CCDC171: variants seen among roughly 807,000 people sequenced by gnomAD.
CCDC171 encodes coiled-coil domain containing 171, also known as coiled-coil domain-containing protein 171.
CCDC171 carries 177 observed loss-of-function variants against 168.2 expected under a neutral mutation model. The ratio of observed to expected loss-of-function variants is 1.05; its 90% confidence interval spans 0.93 to 1.19. CCDC171 has a LOEUF of 1.19. Among genes scored for constraint, CCDC171 ranks in the 50% most tolerant of loss-of-function variants. The pLI, the probability that CCDC171 is intolerant of heterozygous loss-of-function variation, is 0.00. For synonymous variants in CCDC171, 687 were observed against 540.8 expected (o/e 1.27, Z -3.75); for missense variants, 1,991 against 1,539.0 (o/e 1.29, Z -4.91).
intron 25 of CCDC171, among the ~76,000 whole-genome samples, chr9:15,924,590 C>T (rs1190940337): frequency 3.3e-5 from 5 of 151,596 alleles, no homozygotes; most frequent in African/African-American, 4.8e-5. Context: ...CAGCCTTGAG[C>T]ATGTAACTCC....
intron 21 of CCDC171, among the ~76,000 whole-genome samples, chr9:15,797,657 G>A (rs959129502): frequency 6.6e-6 from 1 of 151,838 alleles, no homozygotes; most frequent in Admixed American, 6.6e-5. Context: ...TTTCTTAACA[G>A]TATCTTTCAA....
intron 3 of CCDC171, among the ~76,000 whole-genome samples, chr9:15,996,445 G>T (rs985269753): frequency 5.1e-4 from 75 of 147,574 alleles, no homozygotes; most frequent in African/African-American, 1.7e-3. Context: ...TTTTTTTGCG[G>T]GGGGCGGACA....
intron 3 of CCDC171, among the ~76,000 whole-genome samples, chr9:15,983,377 A>C (rs181972883): frequency 6.6e-6 from 1 of 152,084 alleles, no homozygotes; most frequent in Non-Finnish European, 1.5e-5. Flanking sequence ...TTTTTTAAAA[A>C]AACATATTTT....
chr9:15,666,720 G>C (rs775336776), intron 9 of CCDC171, among the ~76,000 whole-genome samples: 1 of 152,152 alleles, frequency 6.6e-6, no homozygotes, highest in Non-Finnish European at 1.5e-5. Flanking sequence ...AGCTACTCGA[G>C]AGGCTGAGGT....
At chr9:15,692,909 G>C (rs2050923200) in intron 10 of CCDC171, among the ~76,000 whole-genome samples, 1 of 151,756 alleles carries the variant, frequency 6.6e-6, no homozygotes, top group South Asian at 2.1e-4. Flanking sequence ...GGCCGAGACG[G>C]GTGGATCACT....
downstream of CCDC171, among the ~76,000 whole-genome samples, chr9:16,066,278 G>A (rs1213448793): frequency 1.3e-5 from 2 of 152,058 alleles, no homozygotes; most frequent in African/African-American, 4.8e-5. Flanking sequence ...TAAAAAGCAT[G>A]GTAGTCCAAT....
At chr9:15,734,970 T>C (rs147726135) in intron 16 of CCDC171, among the ~76,000 whole-genome samples, 4 of 152,230 alleles carry the variant, frequency 2.6e-5, no homozygotes, top group African/African-American at 9.6e-5. Context: ...TATTTGGCCA[T>C]TGTAAAGAAG....
At chr9:15,968,106 T>A (rs1447768799) in intron 25 of CCDC171, among the ~76,000 whole-genome samples, 1 of 152,218 alleles carries the variant, frequency 6.6e-6, no homozygotes, top group Non-Finnish European at 1.5e-5. Flanking sequence ...ATTGTGAATA[T>A]GTATTTAGCT....
In CCDC171 at chr9:15,909,061, A is replaced by G. The variant is rs184484221; in HGVS notation, c.3601-11209A>G. ...ATGGGGAATCAGAAGTACGACTCCA[A>G]TTGAGTATATCACAGAGTTATATAA... On this transcript the variant is annotated intron_variant, in intron 24 of 25. Transcript: ENST00000380701. 2.4e-4 allele frequency among the ~76,000 whole-genome samples: 36 copies of G among 152,332 alleles called. No homozygotes were observed. The East Asian group carries it at 4.4e-3, about 19-fold the overall frequency.
chr9:16,014,835 A>C (rs1282974681), intron 3 of CCDC171, among the ~76,000 whole-genome samples: 3 of 152,134 alleles, frequency 2.0e-5, no homozygotes, highest in Non-Finnish European at 4.4e-5. Flanking sequence ...AGGCTTTGTT[A>C]TTCCATTTAT....
intron 7 of CCDC171, among the ~76,000 whole-genome samples, chr9:15,647,225 C>G (rs1158936797): frequency 6.6e-6 from 1 of 152,006 alleles, no homozygotes; most frequent in Non-Finnish European, 1.5e-5. Context: ...CACAACATAC[C>G]AGAATCTCTG....
chr9:15,797,324 C>G (rs2058608074), intron 21 of CCDC171, among the ~76,000 whole-genome samples: 1 of 152,134 alleles, frequency 6.6e-6, no homozygotes, highest in African/African-American at 2.4e-5. Context: ...TCAACTAATC[C>G]TCCCATCTCA....
At chr9:15,849,817 T>C (rs918509652) in intron 23 of CCDC171, among the ~76,000 whole-genome samples, 1 of 151,838 alleles carries the variant, frequency 6.6e-6, no homozygotes, top group Non-Finnish European at 1.5e-5. Flanking sequence ...AAACTAACCT[T>C]TTGAAGGGCA....
At chr9:15,895,804 A>T (rs1820822603) in intron 24 of CCDC171, among the ~76,000 whole-genome samples, 1 of 152,110 alleles carries the variant, frequency 6.6e-6, no homozygotes, top group South Asian at 2.1e-4. Flanking sequence ...GCCAGTGGCA[A>T]TTCTGTAATT....
At chr9:15,642,634 T>A (rs1397343803) in intron 7 of CCDC171, among the ~76,000 whole-genome samples, 3 of 152,082 alleles carry the variant, frequency 2.0e-5, no homozygotes, top group Non-Finnish European at 4.4e-5. Flanking sequence ...CAACAAACCC[T>A]ACTCTTGGAA....
intron 11 of CCDC171, 91 bp from the exon 12 acceptor site, chr9:15,721,678 C>G (rs769697329): frequency 4.4e-5 from 23 of 526,350 alleles, no homozygotes; most frequent in Non-Finnish European, 6.2e-5. Flanking sequence ...CTTTTCAGCT[C>G]TACCTAATTG....
chr9:15,958,696 G>T (rs771164533), intron 25 of CCDC171, among the ~76,000 whole-genome samples: 1 of 152,130 alleles, frequency 6.6e-6, no homozygotes, highest in South Asian at 2.1e-4. Flanking sequence ...GTGGCTCCAA[G>T]ACAGGAGAAA....
intron 4 of CCDC171, among the ~76,000 whole-genome samples, chr9:15,582,036 A>G (rs1470407328): frequency 1.3e-5 from 2 of 152,242 alleles, no homozygotes; most frequent in Non-Finnish European, 2.9e-5. Flanking sequence ...TATCCATCTG[A>G]CAAAGGGCTA....
intron 11 of CCDC171, among the ~76,000 whole-genome samples, chr9:15,708,330 C>T (rs1362527769): frequency 1.3e-5 from 2 of 152,180 alleles, no homozygotes; most frequent in South Asian, 2.1e-4. Context: ...TATTCACCCT[C>T]CCTTGGGGAG....
Sources: gnomAD v4.1 joint callset for allele counts (sites outside exome capture counted in the v4.1 genomes callset) on GRCh38, gnomAD v4.1.1 for gene constraint, MANE v1.5 for transcripts, NCBI Gene and HGNC (gene_info 2026-07-23, HGNC 2026-07-21) for gene names.